The following RAMP1 variants were observed in gnomAD, a reference collection of about 807,000 sequenced individuals.
RAMP1 encodes receptor activity modifying protein 1.
A neutral mutation model predicts 8.2 loss-of-function variants in RAMP1; 7 were observed. That is an observed-to-expected ratio of 0.85 (90% CI 0.49 to 1.60). The LOEUF (loss-of-function observed/expected upper bound fraction) is 1.60, where lower values mean the gene tolerates loss of function less well. RAMP1 is among the 40% of genes most tolerant of loss of function. The pLI is 0.00. For missense variants in RAMP1, 192 were observed against 202.4 expected, an observed-to-expected ratio of 0.95 and a Z score of 0.31; for synonymous variants, 92 against 84.7, an observed-to-expected ratio of 1.09 and a Z score of -0.47.
intron 2 of RAMP1, among the ~76,000 whole-genome samples, chr2:237,895,677 A>G (rs1410884777): frequency 6.6e-6 from 1 of 152,058 alleles, no homozygotes; most frequent in East Asian, 1.9e-4. Flanking sequence ...TGAAGAGTCT[A>G]GTGGCATCGG....
At chr2:237,906,408 G>A (rs1046503088) in intron 2 of RAMP1, among the ~76,000 whole-genome samples, 2 of 152,266 alleles carry the variant, frequency 1.3e-5, no homozygotes, top group Admixed American at 1.3e-4. Context: ...ATAGGGGCGG[G>A]GGTAGAGGGG....
intron 1 of RAMP1, among the ~76,000 whole-genome samples, chr2:237,864,649 A>G (rs2062168619): frequency 6.6e-6 from 1 of 152,228 alleles, no homozygotes; most frequent in South Asian, 2.1e-4. Context: ...AGGGGTGCAG[A>G]GCAGCCTGCT....
rs1372991719 is a variant in RAMP1, at chr2:237,878,337, G to T, written c.191+975G>T. On this transcript the variant is annotated intron_variant, in intron 2 of 2. Coordinates refer to ENST00000254661, the MANE Select transcript of RAMP1 (RefSeq NM_005855.4). This position sits in a 1 kb window ranked among gnomAD's most constrained non-coding sequence, Gnocchi z 5.7. The stretch of plus-strand genomic sequence containing the variant: ...TCGGGAGGGTCTTCACGGAGGAAAG[G>T]TTGCACCAAGGTCACACACGAAGAG... Among the ~76,000 whole-genome samples the T allele has an allele frequency of 6.6e-6, 1 of 152,256 alleles. No individual in the cohort carries two copies. The highest frequency in any genetic ancestry group is 1.5e-5 in the Non-Finnish European group (1 of 68,042).
Position 237,878,510 on chromosome 2 carries a change from C to T in RAMP1, c.191+1148C>T, listed in dbSNP as rs1056924089. Among the ~76,000 whole-genome samples the T allele has an allele frequency of 6.6e-6, 1 of 152,238 alleles. No individual in the cohort carries two copies. Among genetic ancestry groups the T allele is most frequent in the Non-Finnish European group, 1.5e-5 (1 of 68,038 alleles). On this transcript the variant is annotated intron_variant, in intron 2 of 2. Coordinates refer to ENST00000254661, the MANE Select transcript of RAMP1 (RefSeq NM_005855.4). This position sits in a 1 kb window ranked among gnomAD's most constrained non-coding sequence, Gnocchi z 5.7. ...GGAGAAAGCCCACGGCTGGGAGGCC[C>T]TGAGGCTGGGTGGCTCCCACTGCCC...
intron 1 of RAMP1, among the ~76,000 whole-genome samples, chr2:237,863,944 C>T (rs1257782323): frequency 1.3e-5 from 2 of 152,216 alleles, no homozygotes; most frequent in South Asian, 2.1e-4. Context: ...GGACAACTGC[C>T]CAGCCTCCCA....
At chr2:237,911,021 CAG>C (rs528031015) in intron 2 of RAMP1, among the ~76,000 whole-genome samples, 125 of 152,224 alleles carry the variant, frequency 8.2e-4, no homozygotes, top group African/African-American at 2.9e-3. Flanking sequence ...CACGGTCACA[CAG>C]AGAATAACAC....
chr2:237,869,216 C>T (rs1266150430), intron 1 of RAMP1, among the ~76,000 whole-genome samples: 1 of 152,200 alleles, frequency 6.6e-6, no homozygotes, highest in African/African-American at 2.4e-5. Flanking sequence ...CTGCCAGTCA[C>T]AGCTGCATGG....
intron 1 of RAMP1, among the ~76,000 whole-genome samples, chr2:237,870,971 T>A (rs2062238829): frequency 6.6e-6 from 1 of 152,180 alleles, no homozygotes; most frequent in Non-Finnish European, 1.5e-5. Flanking sequence ...TGGAATGCAG[T>A]GCTTTGCTGT....
chr2:237,888,062 GT>G (rs201064120), intron 2 of RAMP1, among the ~76,000 whole-genome samples: 3 of 151,454 alleles, frequency 2.0e-5, no homozygotes, highest in Non-Finnish European at 2.9e-5. Flanking sequence ...GTTCTGGGGG[GT>G]TTTTTTTTGA....
rs191713401 is a variant in RAMP1, at chr2:237,888,853, C to G, written c.191+11491C>G. On this transcript the variant is annotated intron_variant, in intron 2 of 2. Transcript: ENST00000254661. The stretch of plus-strand genomic sequence containing the variant: ...GCGGCACAATCTTGGCTCACTGCAA[C>G]CCCTGCCTCCCGGGTTCAAGTGATT... Among the ~76,000 whole-genome samples, 43 of 152,248 alleles carry G rather than the reference C, an allele frequency of 2.8e-4. 1 individual carries two copies.
rs1426509852 is a variant in RAMP1 at position 237,911,652 on chromosome 2, A to G, written c.316A>G (p.Ile106Val). The G allele has an allele frequency of 3.1e-6, 5 of 1,613,966 alleles. No individual in the cohort carries two copies. In the Admixed American group the frequency reaches 8.3e-5, roughly 27 times the overall value. Residue 106 changes from isoleucine (I) to valine (V), a missense_variant, in exon 3 of 3, where the codon ATC becomes GTC. Transcript: ENST00000254661. ...TGGCCGCTACTTCAGGAGCTGCCCC[A>G]TCTCAGGCAGGGCCGTGCGGGACCC... The part of the protein sequence containing the change: ...VHGRYFRSCP[I>V]SGRAVRDPPG...
chr2:237,906,141 C>T (rs190194375), intron 2 of RAMP1, among the ~76,000 whole-genome samples: 1 of 152,210 alleles, frequency 6.6e-6, no homozygotes, highest in East Asian at 1.9e-4. Context: ...TGCACTCATT[C>T]GTTTTTCCCC....
intron 1 of RAMP1, among the ~76,000 whole-genome samples, chr2:237,869,066 C>T (rs987886466): frequency 2.6e-5 from 4 of 152,124 alleles, no homozygotes; most frequent in Non-Finnish European, 2.9e-5. Context: ...TTAGGGCCTC[C>T]GTATCCCTAT....
At chr2:237,867,838 T>C (rs1213475807) in intron 1 of RAMP1, among the ~76,000 whole-genome samples, 1 of 152,206 alleles carries the variant, frequency 6.6e-6, no homozygotes, top group Non-Finnish European at 1.5e-5. Flanking sequence ...CATTGGGTTT[T>C]CTTCCCAAGA....
At position 237,865,704 on chromosome 2, in the gene RAMP1, A is replaced by G. The variant is rs2062181027; in HGVS notation, c.52+5977A>G. 1.3e-5 allele frequency among the ~76,000 whole-genome samples: 2 copies of G among 152,126 alleles called. No individual in the cohort carries two copies. Among genetic ancestry groups the G allele is most frequent in the South Asian group, 4.1e-4 (2 of 4,832 alleles). On this transcript the variant is annotated intron_variant, in intron 1 of 2. Coordinates refer to ENST00000254661, the MANE Select transcript of RAMP1 (RefSeq NM_005855.4). The surrounding 1 kb of genome is among the most constrained non-coding windows in gnomAD (Gnocchi z 4.2). ...TTCTGGCGGCAGCAGGGCCTGGCCT[A>G]TGTCAAATCCTTGCTTGGAGGGGTG...
At chr2:237,871,200 G>A (rs1042967822) in intron 1 of RAMP1, among the ~76,000 whole-genome samples, 1 of 152,198 alleles carries the variant, frequency 6.6e-6, no homozygotes, top group Non-Finnish European at 1.5e-5. Flanking sequence ...GGAATGAGAG[G>A]GTCTTGCCAG....
chr2:237,869,636 T>C (rs1022489886), intron 1 of RAMP1, among the ~76,000 whole-genome samples: 20 of 152,254 alleles, frequency 1.3e-4, no homozygotes, highest in African/African-American at 4.8e-4. Context: ...CTGTTATGGA[T>C]AGACCACACT....
intron 2 of RAMP1, among the ~76,000 whole-genome samples, chr2:237,891,154 CTT>C (rs1169507970): frequency 6.3e-5 from 9 of 143,704 alleles, no homozygotes; most frequent in Non-Finnish European, 7.6e-5. Context: ...ATTGTATTCT[CTT>C]TTTTTTTTTT....
intron 2 of RAMP1, among the ~76,000 whole-genome samples, chr2:237,882,689 T>C (rs1257004622): frequency 6.6e-6 from 1 of 151,906 alleles, no homozygotes; most frequent in East Asian, 1.9e-4. Context: ...CTTCCAAGGG[T>C]CTCCAGTAGC....
Sources: allele counts gnomAD v4.1 joint callset (sites outside exome capture counted in the v4.1 genomes callset), GRCh38; gene constraint gnomAD v4.1.1; non-coding constraint Gnocchi (gnomAD v3.1); transcripts MANE v1.5; gene names NCBI Gene and HGNC (gene_info 2026-07-23, HGNC 2026-07-21).